The following PIKFYVE variants were observed in gnomAD, a reference collection of about 807,000 sequenced individuals.
PIKFYVE encodes the protein 1-phosphatidylinositol 3-phosphate 5-kinase.
In PIKFYVE, 122 loss-of-function variants were observed where a neutral mutation model predicts 257.9. The ratio of observed to expected loss-of-function variants is 0.47; its 90% confidence interval spans 0.41 to 0.55. The LOEUF (loss-of-function observed/expected upper bound fraction) is 0.55, where lower values mean the gene tolerates loss of function less well. Among genes scored for constraint, PIKFYVE ranks in the 20% least tolerant of loss-of-function variants. PIKFYVE has a pLI of 0.00. For synonymous variants in PIKFYVE, 892 were observed against 868.9 expected (o/e 1.03, Z -0.47); for missense variants, 2,160 against 2,536.6 (o/e 0.85, Z 3.19).
At chr2:208,345,819 C>T (rs1168870056) in intron 33 of PIKFYVE, among the ~76,000 whole-genome samples, 1 of 152,080 alleles carries the variant, frequency 6.6e-6, no homozygotes, top group East Asian at 1.9e-4. Flanking sequence ...ATGTATTCCT[C>T]CATACATTTT....
At position 208,317,955 on chromosome 2, in the gene PIKFYVE, G is replaced by C. The variant is rs752284692; in HGVS notation, c.2082+14G>C. The C allele has an allele frequency of 5.8e-6, 7 of 1,201,392 alleles. No homozygotes were observed. Among genetic ancestry groups the C allele is most frequent in the African/African-American group, 2.1e-5 (1 of 48,594 alleles). 74.4% of individuals were successfully genotyped at this position (1,201,392 alleles called of 1,614,324 possible). A position where few individuals can be genotyped will look rare whatever the true frequency, so the allele number is the denominator to read the frequency against. On this transcript the variant is annotated intron_variant, in intron 16 of 41. Coordinates refer to ENST00000264380, the MANE Select transcript of PIKFYVE (RefSeq NM_015040.4). ...GCACATAAAAAGGTAATGTGATTCAGTTCAGCAGTGAAGTTCAGCAAACCA... is the reference window on the plus strand; with the variant it reads ...GCACATAAAAAGGTAATGTGATTCACTTCAGCAGTGAAGTTCAGCAAACCA...
chr2:208,355,190 G>C lies in PIKFYVE; in HGVS notation c.6182G>C (p.Gly2061Ala), dbSNP rs758952384. The change falls in exon 42 of 42, where the codon GGT (glycine) becomes GCT (alanine). Residue 2061 changes from glycine to alanine, a missense_variant and splice_region_variant. Around this residue, in one of 12 missense-constraint regions of PIKFYVE, gnomAD observed 38 missense variants for 77.7 expected, o/e 0.49. Coordinates refer to ENST00000264380, the MANE Select transcript of PIKFYVE (RefSeq NM_015040.4). Reference sequence around the variant, plus strand: ...CCCCTTTTCTCTTTCATAATCTCAGGTAAAATGCCAACAGTGGTGTCTCCG... The same window carrying C: ...CCCCTTTTCTCTTTCATAATCTCAGCTAAAATGCCAACAGTGGTGTCTCCG... ...VKSTGILGGQ[G>A]KMPTVVSPEL... The C allele has an allele frequency of 1.9e-6, 3 of 1,611,846 alleles. No individual in the cohort carries two copies. Among genetic ancestry groups the C allele is most frequent in the Non-Finnish European group, 2.5e-6 (3 of 1,178,038 alleles).
chr2:208,288,804 T>G lies in PIKFYVE; in HGVS notation c.897T>G (p.Ser299=). 6.2e-7 allele frequency: 1 copy of G among 1,614,014 alleles called. No homozygotes were observed. The highest frequency in any genetic ancestry group is 8.5e-7 in the Non-Finnish European group (1 of 1,179,938). Residue 299 remains serine (S), a synonymous_variant, in exon 7 of 42, where the codon TCT becomes TCG. Transcript: ENST00000264380. ...LVSVQEDAGK[S]PARNRSASIT... is the part of the protein sequence containing the mutation. ...CTGTGCAAGAGGATGCTGGGAAATCTCCTGCTCGAAATAGGTAAACTGACA... is the reference window on the plus strand; with the variant it reads ...CTGTGCAAGAGGATGCTGGGAAATCGCCTGCTCGAAATAGGTAAACTGACA...
chr2:208,328,197 C>T lies in PIKFYVE; in HGVS notation c.3636C>T (p.Pro1212=), dbSNP rs1697149533. Residue 1212 remains proline, a synonymous_variant, in exon 21 of 42, where the codon CCC becomes CCT. Transcript: ENST00000264380. ...VWSTKVDCLN[P]INHQRLCVLF... is the part of the protein sequence containing the mutation. ...TATTTCAGGTGGACTGTCTGAATCC[C>T]ATTAATCACCAGAGACTTTGTGTGC... 1.2e-6 allele frequency: 2 copies of T among 1,613,614 alleles called. No individual in the cohort carries two copies. The highest frequency in any genetic ancestry group is 1.7e-5 in the Admixed American group (1 of 59,978).
At chr2:208,316,363 A>G (rs1339156035) in intron 15 of PIKFYVE, among the ~76,000 whole-genome samples, 4 of 152,118 alleles carry the variant, frequency 2.6e-5, no homozygotes, top group South Asian at 2.1e-4. Flanking sequence ...TTATAGCAGC[A>G]TGATTTATAG....
intron 3 of PIKFYVE, among the ~76,000 whole-genome samples, chr2:208,274,917 A>G (rs1423329360): frequency 6.6e-6 from 1 of 152,198 alleles, no homozygotes; most frequent in Non-Finnish European, 1.5e-5. Context: ...CTAAAATGTA[A>G]TATTTTAGGA....
chr2:208,315,708 G>T (rs1458377959), intron 15 of PIKFYVE, among the ~76,000 whole-genome samples: 1 of 152,200 alleles, frequency 6.6e-6, no homozygotes, highest in Non-Finnish European at 1.5e-5. Flanking sequence ...AGGAAAAGCA[G>T]TGGGTAATTT....
At chr2:208,302,379 T>C (rs1693800087) in intron 10 of PIKFYVE, 26 bp downstream of exon 10, 2 of 1,546,086 alleles carry the variant, frequency 1.3e-6, no homozygotes, top group Non-Finnish European at 1.8e-6. Flanking sequence ...TACTGCCAAT[T>C]AGAATGTAGC....
At chr2:208,332,815 T>C (rs761832524) in intron 23 of PIKFYVE, among the ~76,000 whole-genome samples, 36 of 152,114 alleles carry the variant, frequency 2.4e-4, no homozygotes, top group Middle Eastern at 3.2e-3. Flanking sequence ...TACTAGTATA[T>C]TGATGTTGTT....
intron 5 of PIKFYVE, among the ~76,000 whole-genome samples, chr2:208,283,984 A>G (rs924450738): frequency 3.3e-5 from 5 of 152,244 alleles, no homozygotes; most frequent in African/African-American, 1.2e-4. Flanking sequence ...AACATAATAC[A>G]GTTAACTTTT....
chr2:208,292,722 G>A (rs1480904279), intron 7 of PIKFYVE, among the ~76,000 whole-genome samples: 2 of 151,952 alleles, frequency 1.3e-5, no homozygotes, highest in African/African-American at 2.4e-5. Context: ...TTTTAAAATT[G>A]ACACATAATA....
Position 208,330,578 on chromosome 2 carries a change from C to A in PIKFYVE, c.3847C>A (p.Arg1283=), listed in dbSNP as rs372043847. Residue 1283 remains arginine, a synonymous_variant, in exon 23 of 42, where the codon CGG becomes AGG. Coordinates refer to ENST00000264380, the MANE Select transcript of PIKFYVE (RefSeq NM_015040.4). ...TGATACCCCCATGGTACATCATATT[C>A]GGCGCTTTGTTCATGGCCAAGGCTG... The part of the protein sequence containing the change: ...FCDTPMVHHI[R]RFVHGQGCVQ... The A allele has an allele frequency of 1.2e-6, 2 of 1,614,028 alleles. No individual in the cohort carries two copies. The highest frequency in any genetic ancestry group is 1.7e-6 in the Non-Finnish European group (2 of 1,180,034).
At chr2:208,301,989 A>G (rs1011970800) in intron 9 of PIKFYVE, among the ~76,000 whole-genome samples, 4 of 152,142 alleles carry the variant, frequency 2.6e-5, no homozygotes, top group Non-Finnish European at 4.4e-5. Flanking sequence ...TACTCAGTCA[A>G]TGCTTGCTGT....
chr2:208,298,790 A>G lies in PIKFYVE; in HGVS notation c.1050+11A>G. Reference sequence around the variant, plus strand: ...CGCAAAATTCTTCTGGTACTGGTCCAGTATCTTTGACCCATTGCTAGTTTT... The same window carrying G: ...CGCAAAATTCTTCTGGTACTGGTCCGGTATCTTTGACCCATTGCTAGTTTT... On this transcript the variant is annotated intron_variant, in intron 8 of 41. Transcript: ENST00000264380. 1 of 1,613,928 alleles carries G rather than the reference A, an allele frequency of 6.2e-7. No homozygotes were observed. The highest frequency in any genetic ancestry group is 8.5e-7 in the Non-Finnish European group (1 of 1,179,818).
intron 17 of PIKFYVE, among the ~76,000 whole-genome samples, chr2:208,323,560 G>A (rs910770906): frequency 1.4e-4 from 22 of 152,112 alleles, no homozygotes; most frequent in Non-Finnish European, 2.6e-4. Context: ...GAATAGTGCC[G>A]CAATAAACAT....
chr2:208,273,932 A>G, intron 3 of PIKFYVE, 199 bp downstream of exon 3: 1 of 1,485,034 alleles, frequency 6.7e-7, no homozygotes, highest in South Asian at 1.2e-5. Flanking sequence ...ACCTGAAAAA[A>G]TTCTTAAACG....
chr2:208,318,000 C>A, intron 16 of PIKFYVE, 59 bp downstream of exon 16: 1 of 1,478,430 alleles, frequency 6.8e-7, no homozygotes, highest in Non-Finnish European at 9.5e-7. Flanking sequence ...GCTTAGGTAA[C>A]AAGTTGGGGC....
chr2:208,294,685 G>T (rs1369411942), intron 7 of PIKFYVE, among the ~76,000 whole-genome samples: 1 of 152,068 alleles, frequency 6.6e-6, no homozygotes, highest in Non-Finnish European at 1.5e-5. Flanking sequence ...GGCTGGAGTT[G>T]GGGATTTTTC....
At chr2:208,269,250 A>T (rs1263149686) in intron 1 of PIKFYVE, 1 of 152,316 alleles carries the variant, frequency 6.6e-6, no homozygotes, top group Admixed American at 6.5e-5. Flanking sequence ...CCTTGTCTTT[A>T]TTTTGAAACA....
Sources: gnomAD v4.1 joint callset for allele counts (sites outside exome capture counted in the v4.1 genomes callset) on GRCh38, gnomAD v4.1.1 for gene constraint, gnomAD v4.1.1 regional missense constraint, MANE v1.5 for transcripts, NCBI Gene and HGNC (gene_info 2026-07-23, HGNC 2026-07-21) for gene names.